The following KIRREL3 variants were observed in gnomAD, a reference collection of about 807,000 sequenced individuals.
KIRREL3 encodes the protein kirre like nephrin family adhesion molecule 3.
A neutral mutation model predicts 89.7 loss-of-function variants in KIRREL3; 36 were observed. The ratio of observed to expected loss-of-function variants is 0.40; its 90% CI spans 0.31 to 0.53. KIRREL3 has a LOEUF of 0.53. Among genes scored for constraint, KIRREL3 ranks in the 20% least tolerant of loss-of-function variants. The pLI, the probability that KIRREL3 is intolerant of heterozygous loss-of-function variation, is 0.49. For synonymous variants in KIRREL3, 445 were observed against 441.4 expected (o/e 1.01, Z -0.10); for missense variants, 864 against 1,056.6 (o/e 0.82, Z 2.53).
rs1211899368 is a variant in KIRREL3, at chr11:126,987,031, A to C, written c.55+13424T>G. ...ATGTAGAAGGTCTGGACTGGGGTCC[A>C]AAAATGGGGATTTCTAACAATCTCC... On this transcript the variant is annotated intron_variant, in intron 1 of 16. Coordinates refer to ENST00000525144, the MANE Select transcript of KIRREL3 (RefSeq NM_032531.4). The surrounding 1 kb of genome is among the most constrained non-coding windows in gnomAD (Gnocchi z 4.6). 1.3e-5 allele frequency among the ~76,000 whole-genome samples: 2 copies of C among 152,196 alleles called. No individual in the cohort carries two copies. The highest frequency in any genetic ancestry group is 3.9e-4 in the East Asian group (2 of 5,186).
intron 1 of KIRREL3, among the ~76,000 whole-genome samples, chr11:126,727,044 C>T (rs1948415782): frequency 6.6e-6 from 1 of 152,198 alleles, no homozygotes; most frequent in Non-Finnish European, 1.5e-5. Context: ...CATCTAGATA[C>T]ATCATCTTCC....
At chr11:126,556,690 G>C (rs574125145) in intron 2 of KIRREL3, among the ~76,000 whole-genome samples, 12 of 152,278 alleles carry the variant, frequency 7.9e-5, no homozygotes, top group East Asian at 1.9e-4. Context: ...CAGTCTAAGA[G>C]AGGCAGGACT....
intron 6 of KIRREL3, among the ~76,000 whole-genome samples, chr11:126,460,632 A>C (rs1187261559): frequency 6.6e-6 from 1 of 152,198 alleles, no homozygotes; most frequent in Admixed American, 6.5e-5. Context: ...TTGGAAAGGA[A>C]GCCAGAAAGG....
rs1956608770 is a variant in KIRREL3 at position 126,463,265 on chromosome 11, G to T, written c.634C>A (p.Leu212Ile). The T allele has an allele frequency of 1.9e-6, 3 of 1,613,910 alleles. No individual in the cohort carries two copies. In the East Asian group the frequency reaches 6.7e-5, roughly 36 times the overall value. ...DGKRESIVST[L>I]FISPGDVENG... ...TCCACGTCACCAGGGGAGATGAAGA[G>T]GGTGCTGACGATGCTCTCCCGCTTG... Residue 212 changes from leucine (L) to isoleucine (I), a missense_variant, in exon 6 of 17, where the codon CTC (leucine) becomes ATC (isoleucine). Leu to Ile is a conservative substitution (Grantham distance 5, BLOSUM62 2). Coordinates refer to ENST00000525144, the MANE Select transcript of KIRREL3 (RefSeq NM_032531.4). This position sits in a 1 kb window ranked among gnomAD's most constrained non-coding sequence, Gnocchi z 5.9.
At position 126,739,645 on chromosome 11, in the gene KIRREL3, A is replaced by G. The variant is rs1360348773; in HGVS notation, c.56-176733T>C. On this transcript the variant is annotated intron_variant, in intron 1 of 16. Coordinates refer to ENST00000525144, the MANE Select transcript of KIRREL3 (RefSeq NM_032531.4). The surrounding 1 kb of genome is among the most constrained non-coding windows in gnomAD (Gnocchi z 5.5). ...TGTAATTTGGGCAGGAGTGAGGAGA[A>G]GGAAACCACAGTTAAGGTATGTGTG... Among the ~76,000 whole-genome samples, 1 of 152,242 alleles carries G rather than the reference A, an allele frequency of 6.6e-6. No individual in the cohort carries two copies. The highest frequency in any genetic ancestry group is 2.4e-5 in the African/African-American group (1 of 41,464).
rs111557757 is a variant in KIRREL3 at position 126,877,297 on chromosome 11, C to G, written c.55+123158G>C. Among the ~76,000 whole-genome samples, 2,055 of 152,172 alleles carry G rather than the reference C, an allele frequency of 0.014. 49 individuals are homozygous for G. Among genetic ancestry groups the G allele is most frequent in the African/African-American group, 0.047 (1,942 of 41,496 alleles). Reference sequence around the variant, plus strand: ...GAACTGGGCTCAGATAGCAAAAGAGCGTTCTATATATACATGCATTTTCAA... The same window carrying G: ...GAACTGGGCTCAGATAGCAAAAGAGGGTTCTATATATACATGCATTTTCAA... On this transcript the variant is annotated intron_variant, in intron 1 of 16. Coordinates refer to ENST00000525144, the MANE Select transcript of KIRREL3 (RefSeq NM_032531.4). The surrounding 1 kb of genome is among the most constrained non-coding windows in gnomAD (Gnocchi z 4.9).
chr11:126,752,855 T>C lies in KIRREL3; in HGVS notation c.56-189943A>G, dbSNP rs1468659690. Among the ~76,000 whole-genome samples the C allele has an allele frequency of 2.6e-5, 4 of 152,312 alleles. No individual in the cohort carries two copies. The highest frequency in any genetic ancestry group is 3.9e-4 in the East Asian group (2 of 5,188). On this transcript the variant is annotated intron_variant, in intron 1 of 16. Coordinates refer to ENST00000525144, the MANE Select transcript of KIRREL3 (RefSeq NM_032531.4). The surrounding 1 kb of genome is among the most constrained non-coding windows in gnomAD (Gnocchi z 4.8). ...GGTGTTGGAGGCACGGAAATGTTGA[T>C]GGAGAAAAGCCCTCTTCTTTGTATA...
At chr11:126,450,388 TGTGG>T (rs978889370) in intron 7 of KIRREL3, among the ~76,000 whole-genome samples, 2 of 146,498 alleles carry the variant, frequency 1.4e-5, no homozygotes, top group East Asian at 4.1e-4. Flanking sequence ...CATGTGTGAG[TGTGG>T]GTATGTGTGA....
chr11:126,833,277 G>A (rs116504510), intron 1 of KIRREL3, among the ~76,000 whole-genome samples: 2,048 of 152,316 alleles, frequency 0.013, 47 homozygotes, highest in African/African-American at 0.047. Context: ...TTAGAAGCAT[G>A]AAATAGGCAC....
intron 4 of KIRREL3, among the ~76,000 whole-genome samples, chr11:126,500,739 C>CAAAA (rs10556780): frequency 1.5e-5 from 2 of 133,192 alleles, no homozygotes; most frequent in African/African-American, 2.7e-5. Flanking sequence ...GACTTTAACT[C>CAAAA]AAAAAAAAAA....
rs1940128070 is a variant in KIRREL3 at position 126,561,603 on chromosome 11, C to T, written c.133+1232G>A. On this transcript the variant is annotated intron_variant, in intron 2 of 16. Transcript: ENST00000525144. The surrounding 1 kb of genome is among the most constrained non-coding windows in gnomAD (Gnocchi z 4.5). ...GAAAGAGAAAAGTCAGTAAAGGCAA[C>T]TGACTAGCAGGACACAGAAAATGCG... Among the ~76,000 whole-genome samples, 3 of 152,152 alleles carry T rather than the reference C, an allele frequency of 2.0e-5. No homozygotes were observed. The highest frequency in any genetic ancestry group is 2.0e-4 in the Admixed American group (3 of 15,280).
At chr11:126,920,205 T>G (rs540118677) in intron 1 of KIRREL3, 124 of 152,596 alleles carry the variant, frequency 8.1e-4, no homozygotes, top group African/African-American at 2.9e-3. Context: ...GCTGCTCACT[T>G]CCATATATTA....
chr11:126,838,356 A>G (rs1340631587), intron 1 of KIRREL3, among the ~76,000 whole-genome samples: 2 of 152,250 alleles, frequency 1.3e-5, no homozygotes, highest in African/African-American at 2.4e-5. Flanking sequence ...AGACTGGCTC[A>G]AATCACTCTA....
At chr11:126,619,514 A>C (rs1403502485) in intron 1 of KIRREL3, among the ~76,000 whole-genome samples, 1 of 152,232 alleles carries the variant, frequency 6.6e-6, no homozygotes, top group Non-Finnish European at 1.5e-5. Flanking sequence ...ACTGGATTGC[A>C]GGAGGCACTT....
intron 1 of KIRREL3, among the ~76,000 whole-genome samples, chr11:126,846,318 T>A (rs964946717): frequency 1.3e-5 from 2 of 152,228 alleles, no homozygotes; most frequent in Non-Finnish European, 2.9e-5. Flanking sequence ...TTACAACTAC[T>A]GGATCTTCTT....
At chr11:126,973,143 C>A (rs981949534) in intron 1 of KIRREL3, among the ~76,000 whole-genome samples, 2 of 149,004 alleles carry the variant, frequency 1.3e-5, no homozygotes, top group Non-Finnish European at 3.0e-5. Flanking sequence ...GTCCCGAGGC[C>A]AATCTGCATG....
intron 1 of KIRREL3, among the ~76,000 whole-genome samples, chr11:126,868,341 C>G (rs1944992384): frequency 6.6e-6 from 1 of 152,110 alleles, no homozygotes; most frequent in Non-Finnish European, 1.5e-5. Context: ...TTAGAGGACC[C>G]CGTAGATCGA....
rs1274485773 is a variant in KIRREL3 at position 126,441,458 on chromosome 11, A to G, written c.1253-909T>C. Among the ~76,000 whole-genome samples the G allele has an allele frequency of 6.6e-6, 1 of 152,238 alleles. No individual in the cohort carries two copies. The highest frequency in any genetic ancestry group is 1.5e-5 in the Non-Finnish European group (1 of 68,038). ...GGCCGTGAAAGACAAAAGAAGGAGC[A>G]GCTAGCTTAGCCTGGGCTCTGCTGG... On this transcript the variant is annotated intron_variant, in intron 10 of 16. Transcript: ENST00000525144. This position sits in a 1 kb window ranked among gnomAD's most constrained non-coding sequence, Gnocchi z 5.0.
Position 126,780,059 on chromosome 11 carries a change from A to T in KIRREL3, c.56-217147T>A, listed in dbSNP as rs568494442. ...CGCTGTATCTGGAAGGGAGGACTGA[A>T]CTTCAGAGGGAAAAGCAGGAGGCAC... On this transcript the variant is annotated intron_variant, in intron 1 of 16. Coordinates refer to ENST00000525144, the MANE Select transcript of KIRREL3 (RefSeq NM_032531.4). The surrounding 1 kb of genome is among the most constrained non-coding windows in gnomAD (Gnocchi z 5.3). Among the ~76,000 whole-genome samples the T allele has an allele frequency of 7.2e-5, 11 of 152,200 alleles. No homozygotes were observed. The East Asian group carries it at 1.5e-3, about 21-fold the overall frequency.
Sources: allele counts gnomAD v4.1 joint callset (sites outside exome capture counted in the v4.1 genomes callset), GRCh38; gene constraint gnomAD v4.1.1; non-coding constraint Gnocchi (gnomAD v3.1); transcripts MANE v1.5; gene names NCBI Gene and HGNC (gene_info 2026-07-23, HGNC 2026-07-21).